Variants in LINGO2 observed in about 807,000 individuals in gnomAD.
LINGO2 encodes leucine-rich repeat and immunoglobulin-like domain-containing nogo receptor-interacting protein 2.
In LINGO2, 14 loss-of-function variants were observed where a neutral mutation model predicts 30.6. The ratio of observed to expected loss-of-function variants is 0.46; its 90% CI spans 0.30 to 0.72. The LOEUF is 0.72. Ranked by LOEUF, LINGO2 falls within the 30% of genes least tolerant of loss-of-function variation. The pLI is 0.07. For synonymous variants in LINGO2, 317 were observed against 288.5 expected (o/e 1.10, Z -1.00); for missense variants, 729 against 751.7 (o/e 0.97, Z 0.35).
Position 28,349,805 on chromosome 9 carries a change from C to CTCT in LINGO2, c.-246+23030_-246+23031insAGA. ...ATCAGACTAACAGCGGATCTCTCGG[C>CTCT]AGAAACCCTACAAGCCAGAAGAGAC... On this transcript the variant is annotated intron_variant, in intron 3 of 5. Coordinates refer to ENST00000379992, the Ensembl canonical transcript of LINGO2. 1.3e-5 allele frequency among the ~76,000 whole-genome samples: 2 copies of CTCT among 152,014 alleles called. 1 individual carries two copies. The highest frequency in any genetic ancestry group is 4.2e-4 in the South Asian group (2 of 4,794).
the LINGO2 span, among the ~76,000 whole-genome samples, chr9:28,761,502 A>ACACG: frequency 7.4e-6 from 1 of 135,344 alleles, no homozygotes; most frequent in African/African-American, 2.6e-5. Context: ...ACACACACGC[A>ACACG]CACACACGTG....
intron 5 of LINGO2, among the ~76,000 whole-genome samples, chr9:27,988,824 A>C (rs1821251833): frequency 1.3e-5 from 2 of 151,950 alleles, no homozygotes; most frequent in African/African-American, 4.8e-5. Context: ...AGAGCAGGTC[A>C]GCAGCTATCA....
At chr9:28,294,948 T>C (rs1823870157) in intron 4 of LINGO2, among the ~76,000 whole-genome samples, 1 of 152,186 alleles carries the variant, frequency 6.6e-6, no homozygotes. Context: ...AGAGGAAATC[T>C]TTATAGTATT....
At chr9:28,938,588 A>C in the LINGO2 span, among the ~76,000 whole-genome samples, 1 of 152,138 alleles carries the variant, frequency 6.6e-6, no homozygotes. Flanking sequence ...GGCACAATGC[A>C]TTATCTTTTC....
intron 4 of LINGO2, among the ~76,000 whole-genome samples, chr9:28,273,168 C>A (rs1237819096): frequency 2.0e-5 from 3 of 152,142 alleles, no homozygotes; most frequent in Non-Finnish European, 4.4e-5. Flanking sequence ...ATAATTATTT[C>A]TTGCGTATTG....
At chr9:28,585,729 T>G (rs1488651094) in intron 1 of LINGO2, among the ~76,000 whole-genome samples, 1 of 152,034 alleles carries the variant, frequency 6.6e-6, no homozygotes, top group Non-Finnish European at 1.5e-5. Flanking sequence ...TCGTCGTAAG[T>G]TGAGAAGCAT....
chr9:28,506,487 T>TACACAC lies in LINGO2; in HGVS notation c.-364-30468_-364-30463dup, dbSNP rs374238897. ...ATACACACACACACACACATACACATACACACACACACACAGACATATATA... is the reference window on the plus strand; with the variant it reads ...ATACACACACACACACACATACACATACACACACACACACACACACAGACATATATA... On this transcript the variant is annotated intron_variant, in intron 1 of 5. Coordinates refer to ENST00000379992, the Ensembl canonical transcript of LINGO2. Among the ~76,000 whole-genome samples, 43 of 40,448 alleles carry TACACAC rather than the reference T, an allele frequency of 1.1e-3. 7 individuals are homozygous for TACACAC. Among genetic ancestry groups the TACACAC allele is most frequent in the Admixed American group, 3.4e-3 (9 of 2,656 alleles). The allele number at this position is 40,448 out of a possible 152,430, so 26.5% of individuals were successfully genotyped here.
chr9:28,764,293 A>G, the LINGO2 span, among the ~76,000 whole-genome samples: 3 of 151,926 alleles, frequency 2.0e-5, no homozygotes, highest in African/African-American at 7.3e-5. Context: ...ACAACACATC[A>G]AATAGATTAT....
the LINGO2 span, among the ~76,000 whole-genome samples, chr9:28,779,553 A>T: frequency 6.6e-6 from 1 of 152,166 alleles, no homozygotes; most frequent in African/African-American, 2.4e-5. Flanking sequence ...TAACTTCAAG[A>T]TAGTCAATGA....
At chr9:28,026,676 TTTC>T (rs1480235169) in intron 4 of LINGO2, among the ~76,000 whole-genome samples, 7 of 152,196 alleles carry the variant, frequency 4.6e-5, no homozygotes, top group East Asian at 1.9e-4. Context: ...CATCTTACTG[TTTC>T]TTATTTTTTT....
chr9:29,167,136 T>C, the LINGO2 span, among the ~76,000 whole-genome samples: 4 of 152,112 alleles, frequency 2.6e-5, no homozygotes, highest in African/African-American at 9.6e-5. Flanking sequence ...TTATTCTTCA[T>C]CACTTTTCAG....
intron 4 of LINGO2, among the ~76,000 whole-genome samples, chr9:28,111,325 G>T (rs1826782042): frequency 6.6e-6 from 1 of 151,814 alleles, no homozygotes; most frequent in Non-Finnish European, 1.5e-5. Context: ...GATAGGTGGA[G>T]CAAACCACTA....
At chr9:28,782,979 A>C in the LINGO2 span, among the ~76,000 whole-genome samples, 1 of 152,220 alleles carries the variant, frequency 6.6e-6, no homozygotes, top group African/African-American at 2.4e-5. Flanking sequence ...TCCTGTATAC[A>C]ACTGTAACAC....
At chr9:28,445,483 T>C (rs578192225) in intron 2 of LINGO2, among the ~76,000 whole-genome samples, 1 of 152,260 alleles carries the variant, frequency 6.6e-6, no homozygotes, top group Non-Finnish European at 1.5e-5. Context: ...ACTGGAGAAA[T>C]AGCTATGTAC....
At chr9:28,675,113 A>G (rs1003790944), upstream of LINGO2, among the ~76,000 whole-genome samples, 3 of 152,194 alleles carry the variant, frequency 2.0e-5, no homozygotes, top group Non-Finnish European at 4.4e-5. Context: ...TAAAAACATT[A>G]TTTAATTTAT....
chr9:28,688,191 G>A, the LINGO2 span, among the ~76,000 whole-genome samples: 12 of 152,086 alleles, frequency 7.9e-5, no homozygotes, highest in African/African-American at 2.9e-4. Flanking sequence ...CTCTGGCAGG[G>A]TATATCACAA....
At chr9:28,348,984 C>G (rs1377900332) in intron 3 of LINGO2, among the ~76,000 whole-genome samples, 16 of 150,340 alleles carry the variant, frequency 1.1e-4, no homozygotes, top group African/African-American at 3.4e-4. Flanking sequence ...ACATCCACAC[C>G]AAAAACCCAT....
intron 4 of LINGO2, among the ~76,000 whole-genome samples, chr9:28,172,030 A>AG: frequency 1.3e-5 from 1 of 75,126 alleles, no homozygotes; most frequent in East Asian, 3.1e-4. Flanking sequence ...AAAAAAAAAA[A>AG]AAACAAAAAA....
At chr9:28,875,100 T>A in the LINGO2 span, among the ~76,000 whole-genome samples, 6 of 152,230 alleles carry the variant, frequency 3.9e-5, no homozygotes, top group South Asian at 1.2e-3. Context: ...TTACTTTGCT[T>A]TGACAGCAAG....
Sources: gnomAD v4.1 joint callset for allele counts (sites outside exome capture counted in the v4.1 genomes callset) on GRCh38, gnomAD v4.1.1 for gene constraint, MANE v1.5 for transcripts, NCBI Gene and HGNC (gene_info 2026-07-23, HGNC 2026-07-21) for gene names.